Variants in FRMD6 observed in about 807,000 individuals in gnomAD.
The protein encoded by FRMD6 is FERM domain containing 6, also known as FERM domain-containing protein 6.
FRMD6 carries 37 observed loss-of-function variants against 73.2 expected under a neutral mutation model. The ratio of observed to expected loss-of-function variants is 0.51; its 90% CI spans 0.39 to 0.66. The LOEUF (loss-of-function observed/expected upper bound fraction) is 0.66. FRMD6 is among the 30% of genes least tolerant of loss of function. The pLI is 0.00. For synonymous variants in FRMD6, 273 were observed against 282.2 expected, an observed-to-expected ratio of 0.97 and a Z score of 0.33; for missense variants, 714 against 780.5, an observed-to-expected ratio of 0.91 and a Z score of 1.02.
upstream of FRMD6, among the ~76,000 whole-genome samples, chr14:51,649,088 A>G (rs1892209146): frequency 6.6e-6 from 1 of 152,218 alleles, no homozygotes; most frequent in South Asian, 2.1e-4. Flanking sequence ...TTCTGTGATA[A>G]GAAATATCTA....
At position 51,581,182 on chromosome 14, in the gene FRMD6, C is replaced by T. The variant is rs546438946; in HGVS notation, c.-147+10772C>T. Among the ~76,000 whole-genome samples, 171 of 152,290 alleles carry T rather than the reference C, an allele frequency of 1.1e-3. 1 individual carries two copies. Among genetic ancestry groups the T allele is most frequent in the South Asian group, 1.9e-3 (9 of 4,824 alleles). ...ATGTAACCTGCCCCCATTCCCCTAA[C>T]ATGCATCCGCCCACACTTCCCACAC... On this transcript the variant is annotated intron_variant, in intron 2 of 14. Transcript: ENST00000356218.
chr14:51,642,296 T>C (rs1383534539), intron 2 of FRMD6, among the ~76,000 whole-genome samples: 1 of 151,986 alleles, frequency 6.6e-6, no homozygotes, highest in Non-Finnish European at 1.5e-5. Context: ...TCCCAGCACT[T>C]TGGGAGGCCA....
At chr14:51,411,147 G>A in the FRMD6 span, among the ~76,000 whole-genome samples, 2 of 152,162 alleles carry the variant, frequency 1.3e-5, no homozygotes, top group Admixed American at 6.6e-5. Context: ...CCCCAAAGCA[G>A]CCACTCCACA....
chr14:51,676,959 CAT>C (rs1220842452), intron 1 of FRMD6, among the ~76,000 whole-genome samples: 8 of 152,114 alleles, frequency 5.3e-5, no homozygotes, highest in Non-Finnish European at 8.8e-5. Context: ...TTGAACCTGA[CAT>C]GTGAACATAA....
chr14:51,563,728 A>T (rs1887616985), intron 1 of FRMD6, among the ~76,000 whole-genome samples: 1 of 152,256 alleles, frequency 6.6e-6, no homozygotes, highest in South Asian at 2.1e-4. Flanking sequence ...GATGTAATGC[A>T]TAGCTCAGTA....
chr14:51,418,476 C>G, the FRMD6 span, among the ~76,000 whole-genome samples: 41 of 152,318 alleles, frequency 2.7e-4, no homozygotes, highest in East Asian at 7.5e-3. Context: ...GCCTGGGTAT[C>G]ACCAGTAGAG....
At chr14:51,592,960 G>C (rs937812843) in intron 2 of FRMD6, among the ~76,000 whole-genome samples, 2 of 152,188 alleles carry the variant, frequency 1.3e-5, no homozygotes, top group African/African-American at 2.4e-5. Flanking sequence ...TATTTTTAAG[G>C]CTTCCCTATC....
At chr14:51,536,139 A>T (rs778691985) in intron 1 of FRMD6, among the ~76,000 whole-genome samples, 2 of 148,836 alleles carry the variant, frequency 1.3e-5, no homozygotes, top group Non-Finnish European at 3.0e-5. Flanking sequence ...CTGTTTTCCA[A>T]GCTAGGGTGT....
the FRMD6 span, among the ~76,000 whole-genome samples, chr14:51,405,660 G>T: frequency 4.6e-5 from 7 of 151,726 alleles, no homozygotes; most frequent in Non-Finnish European, 7.4e-5. Flanking sequence ...TTTTAATGGG[G>T]TTATTTGTTT....
chr14:51,468,151 C>T, the FRMD6 span, among the ~76,000 whole-genome samples: 2 of 152,082 alleles, frequency 1.3e-5, no homozygotes, highest in Admixed American at 6.5e-5. Flanking sequence ...ACCAGTCAGG[C>T]ATGGCGGCGC....
the FRMD6 span, among the ~76,000 whole-genome samples, chr14:51,459,789 G>T: frequency 1.6e-4 from 22 of 138,014 alleles, no homozygotes; most frequent in Admixed American, 2.3e-4. Context: ...ATCATGCCAA[G>T]GCACTCCAGC....
chr14:51,510,052 C>A (rs1237927441), intron 1 of FRMD6, among the ~76,000 whole-genome samples: 1 of 152,214 alleles, frequency 6.6e-6, no homozygotes, highest in Admixed American at 6.5e-5. Context: ...TGGAGGAAAA[C>A]ATTTCAGTTG....
In FRMD6 at chr14:51,621,992, C is replaced by T. The variant is rs376254358; in HGVS notation, c.-147+51582C>T. Among the ~76,000 whole-genome samples, 23 of 152,210 alleles carry T rather than the reference C, an allele frequency of 1.5e-4. No individual in the cohort carries two copies. In the South Asian group the frequency reaches 4.8e-3, roughly 32 times the overall value. ...ATGTAGACAAGAGCAACAGGCATAA[C>T]CCGAGACTGTTCTGGCAAACCAGGA... is the stretch of plus-strand genomic sequence containing the variant. On this transcript the variant is annotated intron_variant, in intron 2 of 14. Transcript: ENST00000356218.
chr14:51,499,793 TC>T (rs1883499839), intron 1 of FRMD6, among the ~76,000 whole-genome samples: 1 of 152,380 alleles, frequency 6.6e-6, no homozygotes, highest in African/African-American at 2.4e-5. Flanking sequence ...GACTCTAATT[TC>T]TTTTGGTCAC....
At chr14:51,455,462 GTATT>G in the FRMD6 span, among the ~76,000 whole-genome samples, 1 of 152,202 alleles carries the variant, frequency 6.6e-6, no homozygotes. Flanking sequence ...CTTGGATACT[GTATT>G]TATGGGTTTT....
intron 1 of FRMD6, among the ~76,000 whole-genome samples, chr14:51,494,486 C>A (rs903478018): frequency 7.2e-5 from 11 of 152,336 alleles, no homozygotes; most frequent in African/African-American, 2.6e-4. Flanking sequence ...ATGCTGTGCC[C>A]TCCAGGCACA....
At chr14:51,447,365 G>A in the FRMD6 span, among the ~76,000 whole-genome samples, 1 of 152,116 alleles carries the variant, frequency 6.6e-6, no homozygotes, top group African/African-American at 2.4e-5. Flanking sequence ...TTACCTGTGT[G>A]CTGCCTGCTC....
At chr14:51,481,780 G>A in the FRMD6 span, among the ~76,000 whole-genome samples, 1 of 152,166 alleles carries the variant, frequency 6.6e-6, no homozygotes, top group Non-Finnish European at 1.5e-5. Context: ...ACTGACAATT[G>A]GAAAGCATGA....
chr14:51,622,482 T>C (rs940950771), intron 2 of FRMD6, among the ~76,000 whole-genome samples: 2 of 152,156 alleles, frequency 1.3e-5, no homozygotes, highest in Admixed American at 6.5e-5. Flanking sequence ...GAAGCAGTCC[T>C]GACTCCTAGT....
Sources: gnomAD v4.1 joint callset for allele counts (sites outside exome capture counted in the v4.1 genomes callset) on GRCh38, gnomAD v4.1.1 for gene constraint, MANE v1.5 for transcripts, NCBI Gene and HGNC (gene_info 2026-07-23, HGNC 2026-07-21) for gene names.